KALRN: variants seen among roughly 807,000 people sequenced by gnomAD.
KALRN encodes kalirin.
In KALRN, 70 loss-of-function variants were observed where a neutral mutation model predicts 353.7. The observed-to-expected ratio is 0.20, with a 90% CI of 0.16 to 0.24. The LOEUF is 0.24. KALRN is among the 10% of genes least tolerant of loss of function. KALRN has a pLI of 1.00. For synonymous variants in KALRN, 1,391 were observed against 1,434.8 expected (o/e 0.97, Z 0.69); for missense variants, 2,791 against 3,756.7 (o/e 0.74, Z 6.72).
intron 19 of KALRN, among the ~76,000 whole-genome samples, chr3:124,442,504 AG>A (rs2093699334): frequency 6.6e-6 from 1 of 152,250 alleles, no homozygotes; most frequent in African/African-American, 2.4e-5. Flanking sequence ...CTTATAGCCT[AG>A]GAACAGAATG....
Position 124,585,273 on chromosome 3 carries a change from C to G in KALRN, c.5182+22184C>G, listed in dbSNP as rs76633679. ...TGTCCCTATAGTGGCGGAGAAGTAC[C>G]TCACCTCTCATTTACACATGGATCT... On this transcript the variant is annotated intron_variant, in intron 34 of 59. Transcript: ENST00000682506. 2.4e-3 allele frequency among the ~76,000 whole-genome samples: 362 copies of G among 152,312 alleles called. 11 individuals carry two copies. The East Asian group carries it at 0.056, about 23-fold the overall frequency.
intron 34 of KALRN, among the ~76,000 whole-genome samples, chr3:124,624,772 T>C (rs911188566): frequency 6.6e-6 from 1 of 152,074 alleles, no homozygotes; most frequent in Non-Finnish European, 1.5e-5. Context: ...AGGGGGAAAA[T>C]TGCCTGATAG....
rs557661714 is a variant in KALRN, at chr3:124,592,236, A to T, written c.5182+29147A>T. Reference sequence around the variant, plus strand: ...AGAATTGCTTGAACCCGGGAAGCAGAGGTTGCAGTGAGCCGAGATAGAGCC... The same window carrying T: ...AGAATTGCTTGAACCCGGGAAGCAGTGGTTGCAGTGAGCCGAGATAGAGCC... On this transcript the variant is annotated intron_variant, in intron 34 of 59. Coordinates refer to ENST00000682506, the MANE Select transcript of KALRN (RefSeq NM_001388419.1). Among the ~76,000 whole-genome samples, 9 of 148,802 alleles carry T rather than the reference A, an allele frequency of 6.0e-5. No individual in the cohort carries two copies. The South Asian group carries it at 2.0e-3, about 32-fold the overall frequency.
At chr3:124,221,781 C>A (rs1300966305) in intron 1 of KALRN, among the ~76,000 whole-genome samples, 1 of 152,100 alleles carries the variant, frequency 6.6e-6, no homozygotes. Context: ...TTATCAGAAT[C>A]TCAGAGTCTT....
intron 51 of KALRN, among the ~76,000 whole-genome samples, chr3:124,689,856 T>C (rs763311043): frequency 1.1e-4 from 16 of 152,152 alleles, no homozygotes; most frequent in African/African-American, 3.6e-4. Flanking sequence ...CTTCAAAAGG[T>C]TCACAAGTCT....
intron 3 of KALRN, among the ~76,000 whole-genome samples, chr3:124,252,280 CAGTT>C (rs1469704691): frequency 1.3e-5 from 2 of 152,014 alleles, no homozygotes; most frequent in African/African-American, 4.8e-5. Context: ...AGGCAGTTGA[CAGTT>C]AGATGCCTGG....
At chr3:124,238,214 G>T (rs2080024470) in intron 3 of KALRN, among the ~76,000 whole-genome samples, 1 of 151,958 alleles carries the variant, frequency 6.6e-6, no homozygotes, top group East Asian at 2.0e-4. Context: ...AGGGATGTTT[G>T]CTGGCAGGCA....
intron 1 of KALRN, among the ~76,000 whole-genome samples, chr3:124,226,138 T>A (rs911987758): frequency 1.3e-5 from 2 of 152,182 alleles, no homozygotes; most frequent in South Asian, 4.1e-4. Flanking sequence ...AGATCCTTGA[T>A]CCTTGTCTAA....
Position 124,720,204 on chromosome 3 carries a change from C to T in KALRN, c.*734C>T, listed in dbSNP as rs962376202. ...GAATGAGAAAATTTTTTCTGTCAATCGCAGGTTATTTGATTAAGATAGGTT... is the reference window on the plus strand; with the variant it reads ...GAATGAGAAAATTTTTTCTGTCAATTGCAGGTTATTTGATTAAGATAGGTT... On this transcript the variant is annotated 3_prime_UTR_variant, in exon 60 of 60. Coordinates refer to ENST00000682506, the MANE Select transcript of KALRN (RefSeq NM_001388419.1). 1.3e-5 allele frequency: 2 copies of T among 152,530 alleles called. No homozygotes were observed. Among genetic ancestry groups the T allele is most frequent in the African/African-American group, 4.8e-5 (2 of 41,414 alleles). 9.4% of individuals were successfully genotyped at this position (152,530 alleles called of 1,614,324 possible).
intron 33 of KALRN, among the ~76,000 whole-genome samples, chr3:124,527,221 T>C (rs1347646678): frequency 2.6e-5 from 4 of 152,096 alleles, no homozygotes; most frequent in Non-Finnish European, 5.9e-5. Context: ...ATAGTAGTAA[T>C]GAGTCTGTGA....
At chr3:124,184,923 C>G (rs1333113798) in intron 1 of KALRN, among the ~76,000 whole-genome samples, 3 of 152,136 alleles carry the variant, frequency 2.0e-5, no homozygotes, top group Non-Finnish European at 4.4e-5. Context: ...AAGGGTGGAT[C>G]TGTATGAATG....
intron 56 of KALRN, 36 bp from the exon 57 acceptor site, chr3:124,702,002 C>T (rs2062364793): frequency 6.5e-7 from 1 of 1,532,758 alleles, no homozygotes; most frequent in South Asian, 1.1e-5. Flanking sequence ...TATATGACAT[C>T]CTCGATATTG....
chr3:124,587,045 C>G (rs1232278145), intron 34 of KALRN, among the ~76,000 whole-genome samples: 1 of 152,142 alleles, frequency 6.6e-6, no homozygotes. Flanking sequence ...AGTCCGTGGA[C>G]TCTTTGGGAA....
At chr3:124,219,311 G>A (rs1318966485) in intron 1 of KALRN, among the ~76,000 whole-genome samples, 1 of 152,234 alleles carries the variant, frequency 6.6e-6, no homozygotes, top group Non-Finnish European at 1.5e-5. Context: ...AGAGAAGTGA[G>A]TCCAGCCCAG....
chr3:124,238,546 C>T (rs144315965), intron 3 of KALRN, among the ~76,000 whole-genome samples: 14 of 152,276 alleles, frequency 9.2e-5, no homozygotes, highest in Non-Finnish European at 1.9e-4. Flanking sequence ...TTGGAAAAAA[C>T]AATGCATCAT....
At chr3:124,655,964 C>T (rs956500656) in intron 39 of KALRN, among the ~76,000 whole-genome samples, 2 of 152,120 alleles carry the variant, frequency 1.3e-5, no homozygotes, top group African/African-American at 2.4e-5. Flanking sequence ...GTCTTAAGAG[C>T]TTTTCTTTGA....
chr3:124,054,584 A>G (rs1476896421), intron 1 of KALRN, among the ~76,000 whole-genome samples: 1 of 152,096 alleles, frequency 6.6e-6, no homozygotes, highest in Non-Finnish European at 1.5e-5. Context: ...CCCTATCTTC[A>G]TGGTGCTCAG....
Position 124,461,874 on chromosome 3 carries a change from A to G in KALRN, c.3855-16A>G, listed in dbSNP as rs1473308757. On this transcript the variant is annotated splice_polypyrimidine_tract_variant and intron_variant, in intron 23 of 59. Coordinates refer to ENST00000682506, the MANE Select transcript of KALRN (RefSeq NM_001388419.1). ...TATATCTATATCCAAGTAAAAGCCC[A>G]TTTGTTTCCTTCTAGATTTATTATG... 2 of 1,605,184 alleles carry G rather than the reference A, an allele frequency of 1.2e-6. No individual in the cohort carries two copies. The highest frequency in any genetic ancestry group is 1.3e-5 in the African/African-American group (1 of 74,700).
chr3:124,401,146 G>A (rs1341433809), intron 13 of KALRN, among the ~76,000 whole-genome samples: 1 of 152,182 alleles, frequency 6.6e-6, no homozygotes, highest in East Asian at 1.9e-4. Flanking sequence ...TTTAAAAAAT[G>A]TGGGTTTAAA....
Sources: gnomAD v4.1 joint callset for allele counts (sites outside exome capture counted in the v4.1 genomes callset) on GRCh38, gnomAD v4.1.1 for gene constraint, MANE v1.5 for transcripts, NCBI Gene and HGNC (gene_info 2026-07-23, HGNC 2026-07-21) for gene names.